Variants in NSD1 observed in about 807,000 individuals in gnomAD.
The protein encoded by NSD1 is nuclear receptor binding SET domain protein 1.
Under a neutral mutation model 242.7 loss-of-function variants are expected in NSD1, and 26 were observed. That is an observed-to-expected ratio of 0.11 (90% confidence interval 0.08 to 0.15). NSD1 has a LOEUF of 0.15. Ranked by LOEUF, NSD1 falls within the 10% of genes least tolerant of loss-of-function variation. The pLI, the probability that NSD1 is intolerant of heterozygous loss-of-function variation, is 1.00. For missense variants in NSD1, 2,495 were observed against 3,272.8 expected (o/e 0.76, Z 5.80); for synonymous variants, 1,106 against 1,178.1 (o/e 0.94, Z 1.25).
At position 177,242,391 on chromosome 5, in the gene NSD1, C is replaced by T. The variant is rs775016219; in HGVS notation, c.4303-1804C>T. On this transcript the variant is annotated intron_variant, in intron 8 of 22. Coordinates refer to ENST00000439151, the MANE Select transcript of NSD1 (RefSeq NM_022455.5). ...AAATAGACTTCTGATATATAGTGAA[C>T]GTGAGGAGAATTGCAGTCTTATGAT... is the stretch of plus-strand genomic sequence containing the variant. Among the ~76,000 whole-genome samples the T allele has an allele frequency of 5.9e-5, 9 of 152,020 alleles. No individual in the cohort carries two copies. In the East Asian group the frequency reaches 1.3e-3, roughly 23 times the overall value.
chr5:177,246,861 A>C, intron 10 of NSD1, 65 bp downstream of exon 10: 1 of 1,133,540 alleles, frequency 8.8e-7, no homozygotes, highest in Admixed American at 1.7e-5. Flanking sequence ...CAGAGGCCAC[A>C]TCCCTCTTTC....
chr5:177,142,960 T>A (rs1357142181), intron 2 of NSD1, among the ~76,000 whole-genome samples: 1 of 152,180 alleles, frequency 6.6e-6, no homozygotes, highest in Non-Finnish European at 1.5e-5. Flanking sequence ...GGTCCCTTGC[T>A]CCATACTCTC....
rs1763360853 is a variant in NSD1 at position 177,211,744 on chromosome 5, G to A, written c.3345G>A (p.Lys1115=). ...FSDVHFDSKV[K]QSDPGKISEK... ...ATGTGCATTTCGATAGCAAGGTTAA[G>A]CAATCTGATCCTGGTAAAATTTCTG... is the stretch of plus-strand genomic sequence containing the variant. Residue 1115 remains lysine (K), a synonymous_variant, in exon 5 of 23, where the codon AAG becomes AAA. Coordinates refer to ENST00000439151, the MANE Select transcript of NSD1 (RefSeq NM_022455.5). 11 of 1,613,968 alleles carry A rather than the reference G, an allele frequency of 6.8e-6. No homozygotes were observed. Among genetic ancestry groups the A allele is most frequent in the Non-Finnish European group, 9.3e-6 (11 of 1,180,030 alleles).
chr5:177,177,621 G>A (rs569188766), intron 2 of NSD1, among the ~76,000 whole-genome samples: 1 of 152,126 alleles, frequency 6.6e-6, no homozygotes, highest in African/African-American at 2.4e-5. Flanking sequence ...CTGCACTCCA[G>A]CCTGGGTGAC....
chr5:177,184,257 G>A (rs951141355), intron 2 of NSD1, among the ~76,000 whole-genome samples: 1 of 152,106 alleles, frequency 6.6e-6, no homozygotes, highest in Admixed American at 6.6e-5. Context: ...CAACGTATGA[G>A]GGTTCCCTTT....
At chr5:177,157,894 A>G (rs1581155911) in intron 2 of NSD1, among the ~76,000 whole-genome samples, 1 of 152,168 alleles carries the variant, frequency 6.6e-6, no homozygotes, top group Non-Finnish European at 1.5e-5. Context: ...TTAACTTAGC[A>G]TAATGTTTTA....
Position 177,209,893 on chromosome 5 carries a change from A to G in NSD1, c.1494A>G (p.Arg498=). The change falls in exon 5 of 23, where the codon CGA becomes CGG. Residue 498 remains arginine, a synonymous_variant. Coordinates refer to ENST00000439151, the MANE Select transcript of NSD1 (RefSeq NM_022455.5). The part of the protein sequence containing the change: ...DEKEKPCAKS[R]ARKSSDNPKR... ...AGGAAAAGCCTTGCGCTAAATCTCG[A>G]GCCAGAAAGAGCTCTGATAATCCAA... The G allele has an allele frequency of 1.9e-6, 3 of 1,614,176 alleles. No homozygotes were observed. The highest frequency in any genetic ancestry group is 2.5e-6 in the Non-Finnish European group (3 of 1,180,038).
chr5:177,148,819 T>A (rs1040875752), intron 2 of NSD1, among the ~76,000 whole-genome samples: 1 of 152,016 alleles, frequency 6.6e-6, no homozygotes, highest in Admixed American at 6.6e-5. Context: ...ATCCAGTTTC[T>A]TTTATTTTTT....
rs34921128 is a variant in NSD1 at position 177,204,205 on chromosome 5, C to T, written c.1149C>T (p.Ile383=). ...SERAWVAGKA[I]VMFEGRHQFE... ...GAGCCTGGGTGGCTGGAAAAGCAAT[C>T]GTCATGTTTGAAGGCAGACATCAAT... Residue 383 remains isoleucine, a synonymous_variant, in exon 4 of 23, where the codon ATC becomes ATT. Coordinates refer to ENST00000439151, the MANE Select transcript of NSD1 (RefSeq NM_022455.5). 525 of 1,613,982 alleles carry T rather than the reference C, an allele frequency of 3.3e-4. 4 individuals carry two copies. The African/African-American group carries it at 6.3e-3, about 19-fold the overall frequency.
At chr5:177,148,806 G>A (rs192597486) in intron 2 of NSD1, among the ~76,000 whole-genome samples, 17 of 152,148 alleles carry the variant, frequency 1.1e-4, no homozygotes, top group African/African-American at 4.1e-4. Context: ...CAGTATATGA[G>A]TGATCCAGTT....
rs1276998178 is a variant in NSD1, at chr5:177,212,165, T to A, written c.3766T>A (p.Leu1256Met). 1.2e-6 allele frequency: 2 copies of A among 1,613,906 alleles called. No homozygotes were observed. The highest frequency in any genetic ancestry group is 2.7e-5 in the African/African-American group (2 of 74,854). Residue 1256 changes from leucine to methionine, a missense_variant, in exon 5 of 23, where the codon TTG (leucine) becomes ATG (methionine). By Grantham distance (15) the Leu-to-Met change is conservative. Transcript: ENST00000439151. ...GGAAAAGGAGCCAGGAATTCCCAGT[T>A]TGACACCACAGGCTGAGCTCCCTGA... The part of the protein sequence containing the change: ...DMEKEPGIPS[L>M]TPQAELPEPA...
In NSD1 at chr5:177,274,925, G is replaced by C. The variant is rs905983117; in HGVS notation, c.5622+1141G>C. Among the ~76,000 whole-genome samples, 7 of 151,928 alleles carry C rather than the reference G, an allele frequency of 4.6e-5. No individual in the cohort carries two copies. In the South Asian group the frequency reaches 1.5e-3, roughly 32 times the overall value. On this transcript the variant is annotated intron_variant, in intron 17 of 22. Coordinates refer to ENST00000439151, the MANE Select transcript of NSD1 (RefSeq NM_022455.5). ...ATTTTTGTATTTTTAGTAGAGACGG[G>C]GTTTCGCCGTGTTGGCCAGGCTGGT...
chr5:177,179,377 A>C (rs1446597636), intron 2 of NSD1, among the ~76,000 whole-genome samples: 1 of 152,060 alleles, frequency 6.6e-6, no homozygotes, highest in African/African-American at 2.4e-5. Flanking sequence ...CACCACGCCC[A>C]GCTGATTTTG....
In NSD1 at chr5:177,297,907, C is replaced by T. The variant is rs551132163; in HGVS notation, c.*2448C>T. ...CCAGACCTGCCTGGGAAAACAGCTT[C>T]TGAGCCATTTTGGGGAGCAGTTCTT... On this transcript the variant is annotated 3_prime_UTR_variant, in exon 23 of 23. Coordinates refer to ENST00000439151, the MANE Select transcript of NSD1 (RefSeq NM_022455.5). 7.7e-5 allele frequency: 18 copies of T among 233,146 alleles called. No individual in the cohort carries two copies. Among genetic ancestry groups the T allele is most frequent in the African/African-American group, 4.0e-4 (18 of 45,406 alleles). 14.4% of individuals were successfully genotyped at this position (233,146 alleles called of 1,614,324 possible). A position where few individuals can be genotyped will look rare whatever the true frequency, so the allele number is the denominator to read the frequency against.
intron 22 of NSD1, among the ~76,000 whole-genome samples, chr5:177,293,389 GC>G (rs1297639914): frequency 1.3e-5 from 2 of 151,974 alleles, no homozygotes; most frequent in Non-Finnish European, 2.9e-5. Context: ...ACTGTTAATA[GC>G]AAATAAGCAG....
Position 177,211,975 on chromosome 5 carries a change from T to G in NSD1, c.3576T>G (p.Pro1192=). The change falls in exon 5 of 23, where the codon CCT becomes CCG. Residue 1192 remains proline (P), a synonymous_variant. Transcript: ENST00000439151. The part of the protein sequence containing the change: ...NSECAFRVLL[P]SDPVQEGRDE... Reference sequence around the variant, plus strand: ...AGTGTGCCTTTAGGGTCTTACTTCCTAGTGACCCTGTGCAGGAGGGGCGGG... The same window carrying G: ...AGTGTGCCTTTAGGGTCTTACTTCCGAGTGACCCTGTGCAGGAGGGGCGGG... The G allele has an allele frequency of 6.2e-7, 1 of 1,612,152 alleles. No homozygotes were observed. The highest frequency in any genetic ancestry group is 8.5e-7 in the Non-Finnish European group (1 of 1,178,568).
At chr5:177,200,629 G>T (rs1029522339) in intron 3 of NSD1, among the ~76,000 whole-genome samples, 1 of 151,912 alleles carries the variant, frequency 6.6e-6, no homozygotes, top group African/African-American at 2.4e-5. Context: ...GACTATTTTA[G>T]ATACCACATA....
In NSD1 at chr5:177,296,636, G is replaced by A. The variant is rs758560899; in HGVS notation, c.*1177G>A. 3.8e-4 allele frequency: 88 copies of A among 233,334 alleles called. No homozygotes were observed. Among genetic ancestry groups the A allele is most frequent in the Non-Finnish European group, 5.3e-4 (62 of 118,082 alleles). The allele number at this position is 233,334 out of a possible 1,614,324, so 14.5% of individuals were successfully genotyped here. A position where few individuals can be genotyped will look rare whatever the true frequency, so the allele number is the denominator to read the frequency against. On this transcript the variant is annotated 3_prime_UTR_variant, in exon 23 of 23. Coordinates refer to ENST00000439151, the MANE Select transcript of NSD1 (RefSeq NM_022455.5). The stretch of plus-strand genomic sequence containing the variant: ...ACCTGCCTGCTGACTTAGCTCAAAG[G>A]CAAGCCAGAACCCTTCCCTGAAGAC...
chr5:177,298,513 G>A lies in NSD1; in HGVS notation c.*3054G>A. On this transcript the variant is annotated 3_prime_UTR_variant, in exon 23 of 23. Transcript: ENST00000439151. The stretch of plus-strand genomic sequence containing the variant: ...GTCTAATAGCAAAATAGCTGTCATT[G>A]ATACAGAAACATCCTCATTTTTAAA... 4.3e-6 allele frequency: 1 copy of A among 233,304 alleles called. No individual in the cohort carries two copies. The highest frequency in any genetic ancestry group is 8.5e-6 in the Non-Finnish European group (1 of 118,058). 14.5% of individuals were successfully genotyped at this position (233,304 alleles called of 1,614,324 possible).
Sources: gnomAD v4.1 joint callset for allele counts (sites outside exome capture counted in the v4.1 genomes callset) on GRCh38, gnomAD v4.1.1 for gene constraint, MANE v1.5 for transcripts, NCBI Gene and HGNC (gene_info 2026-07-23, HGNC 2026-07-21) for gene names.